SLC2A14: variants seen among roughly 807,000 people sequenced by gnomAD.
The protein encoded by SLC2A14 is solute carrier family 2, facilitated glucose transporter member 14.
SLC2A14 carries 13 observed loss-of-function variants against 43.0 expected under a neutral mutation model. The ratio of observed to expected loss-of-function variants is 0.30; its 90% confidence interval spans 0.20 to 0.48. The LOEUF (loss-of-function observed/expected upper bound fraction) is 0.48. Among genes scored for constraint, SLC2A14 ranks in the 20% least tolerant of loss-of-function variants. SLC2A14 has a pLI of 0.99. For synonymous variants in SLC2A14, 190 were observed against 233.8 expected (o/e 0.81, Z 1.71); for missense variants, 428 against 620.4 (o/e 0.69, Z 3.29).
chr12:7,858,015 C>G (rs1238652767), intron 2 of SLC2A14, among the ~76,000 whole-genome samples: 1 of 152,070 alleles, frequency 6.6e-6, no homozygotes, highest in Non-Finnish European at 1.5e-5. Flanking sequence ...CACCTTTAAT[C>G]CCACCACTTG....
At chr12:7,891,075 C>T (rs1297527264) in exon 1 of SLC2A14, 1 of 1,535,100 alleles carries the variant, frequency 6.5e-7, no homozygotes, top group East Asian at 2.4e-5. Context: ...CATTTCATCT[C>T]CTTGTTTCAC....
In SLC2A14 at chr12:7,845,219, G is replaced by C. The variant is rs149329694; in HGVS notation, c.19-12405C>G. ...GTACCTGGGCAAACCTCTATGGTTG[G>C]TCATTTTACAAAACAAAGAAAGGGG... is the stretch of plus-strand genomic sequence containing the variant. On this transcript the variant is annotated intron_variant, in intron 2 of 10. Transcript: ENST00000431042. Among the ~76,000 whole-genome samples the C allele has an allele frequency of 8.3e-3, 1,269 of 152,168 alleles. 18 individuals carry two copies. Among genetic ancestry groups the C allele is most frequent in the Admixed American group, 0.013 (192 of 15,272 alleles).
intron 2 of SLC2A14, among the ~76,000 whole-genome samples, chr12:7,833,021 G>A (rs935855913): frequency 6.6e-6 from 1 of 152,166 alleles, no homozygotes; most frequent in Non-Finnish European, 1.5e-5. Flanking sequence ...AGAATGTGAA[G>A]TTAACTTGGT....
At chr12:7,890,375 C>G (rs1303795665) in intron 1 of SLC2A14, among the ~76,000 whole-genome samples, 1 of 152,088 alleles carries the variant, frequency 6.6e-6, no homozygotes, top group African/African-American at 2.4e-5. Flanking sequence ...TCCCTTCTCT[C>G]CACATTTTTC....
At chr12:7,849,833 A>C (rs1866774560) in intron 2 of SLC2A14, among the ~76,000 whole-genome samples, 1 of 148,814 alleles carries the variant, frequency 6.7e-6, no homozygotes. Flanking sequence ...TGAACCTGGG[A>C]GGTAGAGGTT....
chr12:7,861,384 A>G (rs1342435069), intron 2 of SLC2A14, among the ~76,000 whole-genome samples: 3 of 152,066 alleles, frequency 2.0e-5, no homozygotes, highest in Admixed American at 1.3e-4. Context: ...TCTGCTGTCT[A>G]TTATCTGGTA....
At chr12:7,846,735 G>A (rs1359455488) in intron 2 of SLC2A14, among the ~76,000 whole-genome samples, 2 of 124,510 alleles carry the variant, frequency 1.6e-5, no homozygotes, top group African/African-American at 5.3e-5. Context: ...GGGTTCAAGC[G>A]ATTCTCCTGC....
At chr12:7,816,532 C>T (rs1403729925) in intron 10 of SLC2A14, among the ~76,000 whole-genome samples, 2 of 151,250 alleles carry the variant, frequency 1.3e-5, no homozygotes, top group Admixed American at 1.3e-4. Flanking sequence ...CCATCTCACC[C>T]ATCTTCTTTT....
At chr12:7,871,092 G>T in intron 1 of SLC2A14, 1 of 1,362,222 alleles carries the variant, frequency 7.3e-7, no homozygotes, top group Non-Finnish European at 9.7e-7. Context: ...AGGCCCCAGG[G>T]CCCATCAACT....
intron 2 of SLC2A14, among the ~76,000 whole-genome samples, chr12:7,862,346 C>T (rs906128082): frequency 3.9e-5 from 6 of 152,014 alleles, no homozygotes; most frequent in Admixed American, 6.6e-5. Flanking sequence ...TTTGGAAGGC[C>T]GAGACAGGGT....
At chr12:7,839,787 T>TC (rs1181735255) in intron 2 of SLC2A14, 5 of 452,646 alleles carry the variant, frequency 1.1e-5, no homozygotes, top group Non-Finnish European at 2.2e-5. Flanking sequence ...AGAAGGGGCT[T>TC]CGGAGGCCAG....
chr12:7,813,027 G>C lies in SLC2A14; in HGVS notation c.*1289C>G, dbSNP rs1400750886. ...GATTCAAGTCCCCTGAGGGCATTCGGCATAGGACCACAGTGACATGGTAAC... is the reference window on the plus strand; with the variant it reads ...GATTCAAGTCCCCTGAGGGCATTCGCCATAGGACCACAGTGACATGGTAAC... On this transcript the variant is annotated 3_prime_UTR_variant, in exon 11 of 11. Transcript: ENST00000431042. 1 of 151,744 alleles carries C rather than the reference G, an allele frequency of 6.6e-6. No individual in the cohort carries two copies. Among genetic ancestry groups the C allele is most frequent in the Non-Finnish European group, 1.5e-5 (1 of 67,976 alleles). 9.4% of individuals were successfully genotyped at this position (151,744 alleles called of 1,614,324 possible).
upstream of SLC2A14, chr12:7,891,178 A>T: frequency 6.6e-7 from 1 of 1,514,280 alleles, no homozygotes; most frequent in Non-Finnish European, 8.8e-7. Flanking sequence ...CTCCCAGTGC[A>T]GACCCAGGAG....
intron 2 of SLC2A14, among the ~76,000 whole-genome samples, chr12:7,846,586 T>C (rs1250759192): frequency 6.6e-6 from 1 of 151,892 alleles, no homozygotes; most frequent in East Asian, 1.9e-4. Context: ...GTGAAAAAAC[T>C]ATAGTATATC....
intron 2 of SLC2A14, among the ~76,000 whole-genome samples, chr12:7,835,663 C>T (rs1865392818): frequency 1.3e-5 from 2 of 152,138 alleles, no homozygotes; most frequent in Admixed American, 1.3e-4. Context: ...AATCTAAAGT[C>T]AGGGAACACA....
chr12:7,840,449 G>A (rs980136584), intron 2 of SLC2A14, among the ~76,000 whole-genome samples: 3 of 151,724 alleles, frequency 2.0e-5, no homozygotes, highest in African/African-American at 2.4e-5. Flanking sequence ...GCGTGATTTC[G>A]GCTCACTGCA....
chr12:7,890,522 T>C (rs903052907), intron 1 of SLC2A14, among the ~76,000 whole-genome samples: 4 of 151,436 alleles, frequency 2.6e-5, no homozygotes, highest in African/African-American at 4.9e-5. Context: ...GTTTTTTTGG[T>C]TTATTTTGAT....
chr12:7,875,093 A>AATATTAT (rs1164937000), upstream of SLC2A14, among the ~76,000 whole-genome samples: 1 of 50,120 alleles, frequency 2.0e-5, no homozygotes, highest in Non-Finnish European at 4.0e-5. Context: ...ATTCTATTTA[A>AATATTAT]ATTTAAATAT....
In SLC2A14 at chr12:7,831,684, C is replaced by G; in HGVS notation, c.192G>C (p.Trp64Cys). The change falls in exon 4 of 11, where the codon TGG becomes TGC. Residue 64 changes from tryptophan (W) to cysteine (C), a missense_variant. By Grantham distance (215) the Trp-to-Cys change is radical. This residue lies in a region of SLC2A14 where 122 missense variants were observed against 128.8 expected (regional missense o/e 0.95). Coordinates refer to ENST00000431042, the MANE Select transcript of SLC2A14 (RefSeq NM_001286234.2). ...PPSEVLLTNL[W>C]SLSVAIFSVG... ...CGGAAAATATGGCCACAGACAAGGA[C>G]CAGAGATTCGTGAGCAGCACCTCAG... 1 of 1,614,168 alleles carries G rather than the reference C, an allele frequency of 6.2e-7. No homozygotes were observed. Among genetic ancestry groups the G allele is most frequent in the Non-Finnish European group, 8.5e-7 (1 of 1,180,038 alleles).
Sources: gnomAD v4.1 joint callset for allele counts (sites outside exome capture counted in the v4.1 genomes callset) on GRCh38, gnomAD v4.1.1 for gene constraint, gnomAD v4.1.1 regional missense constraint, MANE v1.5 for transcripts, NCBI Gene and HGNC (gene_info 2026-07-23, HGNC 2026-07-21) for gene names.